AHCTF1: variants seen among roughly 807,000 people sequenced by gnomAD.
AHCTF1 encodes protein ELYS.
A neutral mutation model predicts 248.4 loss-of-function variants in AHCTF1; 24 were observed. The ratio of observed to expected loss-of-function variants is 0.10; its 90% confidence interval spans 0.07 to 0.14. The LOEUF (loss-of-function observed/expected upper bound fraction) is 0.14. AHCTF1 is among the 10% of genes least tolerant of loss of function. AHCTF1 has a pLI of 1.00. For synonymous variants in AHCTF1, 786 were observed against 929.8 expected (o/e 0.85, Z 2.81); for missense variants, 2,206 against 2,636.2 (o/e 0.84, Z 3.57).
intron 8 of AHCTF1, among the ~76,000 whole-genome samples, chr1:246,902,058 ATGTTAAGCAATT>A (rs1356764622): frequency 6.6e-5 from 10 of 152,178 alleles, no homozygotes; most frequent in Non-Finnish European, 1.5e-4. Context: ...GAGCTCTGAA[ATGTTAAGCAATT>A]TGTCAAAGGT....
rs1659750557 is a variant in AHCTF1 at position 246,840,101 on chromosome 1, T to TGATAAGGTTGCAAGTGAGCAGTGA, written c.*681_*704dup. 2 of 152,626 alleles carry TGATAAGGTTGCAAGTGAGCAGTGA rather than the reference T, an allele frequency of 1.3e-5. No homozygotes were observed. Among genetic ancestry groups the TGATAAGGTTGCAAGTGAGCAGTGA allele is most frequent in the African/African-American group, 4.8e-5 (2 of 41,456 alleles). The allele number at this position is 152,626 out of a possible 1,614,324, so 9.5% of individuals were successfully genotyped here. On this transcript the variant is annotated 3_prime_UTR_variant, in exon 36 of 36. Transcript: ENST00000648844. ...TTACATTTCCCTTTGTCAAACCCTTTGATAAGGTTGCAAGTGAGCAGTGAA... is the reference window on the plus strand; with the variant it reads ...TTACATTTCCCTTTGTCAAACCCTTTGATAAGGTTGCAAGTGAGCAGTGAGATAAGGTTGCAAGTGAGCAGTGAA...
Position 246,905,397 on chromosome 1 carries a change from C to T in AHCTF1, c.881+144G>A, listed in dbSNP as rs1011422614. 6 of 598,850 alleles carry T rather than the reference C, an allele frequency of 1.0e-5. No individual in the cohort carries two copies. In the African/African-American group the frequency reaches 1.1e-4, roughly 11 times the overall value. The allele number at this position is 598,850 out of a possible 1,614,324, so 37.1% of individuals were successfully genotyped here. A position where few individuals can be genotyped will look rare whatever the true frequency, so the allele number is the denominator to read the frequency against. On this transcript the variant is annotated intron_variant, in intron 6 of 35. Transcript: ENST00000648844. Reference sequence around the variant, plus strand: ...CCTGTAGTCCCAGCTACTCGGGAGGCTGAGCGAGAGAATGGCATGAATCCG... The same window carrying T: ...CCTGTAGTCCCAGCTACTCGGGAGGTTGAGCGAGAGAATGGCATGAATCCG...
intron 35 of AHCTF1, among the ~76,000 whole-genome samples, chr1:246,842,016 G>A (rs1034224848): frequency 7.1e-6 from 1 of 141,374 alleles, no homozygotes; most frequent in Non-Finnish European, 1.5e-5. Context: ...GGCTGGTCTT[G>A]AACTCCTGAC....
Position 246,857,775 on chromosome 1 carries a change from G to C in AHCTF1, c.4172C>G (p.Ala1391Gly). Residue 1391 changes from alanine (A) to glycine (G), a missense_variant, in exon 30 of 36, where the codon GCA (alanine) becomes GGA (glycine). Physicochemically the swap from Ala to Gly is moderately conservative, Grantham distance 60. Around this residue, in one of 6 missense-constraint regions of AHCTF1, gnomAD observed 955 missense variants for 1,055.6 expected, o/e 0.90. Transcript: ENST00000648844. ...ATTCAATTCTGAAAATGCCTCTGCT[G>C]CAACTAAGAGATCCTTTGTTTCTGC... The part of the protein sequence containing the change: ...EDAETKDLLV[A>G]AEAFSELNHL... 6.2e-7 allele frequency: 1 copy of C among 1,613,380 alleles called. No individual in the cohort carries two copies. Among genetic ancestry groups the C allele is most frequent in the Non-Finnish European group, 8.5e-7 (1 of 1,179,496 alleles).
intron 10 of AHCTF1, 90 bp downstream of exon 10, chr1:246,899,975 T>G (rs950884062): frequency 1.5e-6 from 2 of 1,291,662 alleles, no homozygotes; most frequent in Non-Finnish European, 2.2e-6. Context: ...TACAAACAGA[T>G]AACACTAAAT....
intron 1 of AHCTF1, among the ~76,000 whole-genome samples, chr1:246,927,771 G>C (rs74407469): frequency 6.6e-6 from 1 of 152,192 alleles, no homozygotes; most frequent in East Asian, 1.9e-4. Flanking sequence ...TTGGGAGGCC[G>C]AGGCTGGCGG....
intron 24 of AHCTF1, among the ~76,000 whole-genome samples, chr1:246,868,932 C>T (rs1368048115): frequency 2.0e-5 from 3 of 148,658 alleles, no homozygotes; most frequent in Middle Eastern, 3.4e-3. Context: ...GCAAGTTCTG[C>T]CTCCCGGGTT....
rs558662453 is a variant in AHCTF1, at chr1:246,840,890, T to C, written c.6717A>G (p.Thr2239=). 6.2e-7 allele frequency: 1 copy of C among 1,613,816 alleles called. No individual in the cohort carries two copies. Among genetic ancestry groups the C allele is most frequent in the Non-Finnish European group, 8.5e-7 (1 of 1,179,802 alleles). The change falls in exon 36 of 36, where the codon ACA becomes ACG. Residue 2239 remains threonine (T), a synonymous_variant. Transcript: ENST00000648844. ...TTCCAAGACCTGTTCCTGTCACTTCTGTAGTTTTTCTTGGTTTGCTCTTGA... is the reference window on the plus strand; with the variant it reads ...TTCCAAGACCTGTTCCTGTCACTTCCGTAGTTTTTCTTGGTTTGCTCTTGA... ...DGVKSKPRKT[T]EVTGTGLGRN...
intron 21 of AHCTF1, among the ~76,000 whole-genome samples, chr1:246,879,144 GA>G (rs879646802): frequency 2.2e-4 from 33 of 151,556 alleles, no homozygotes; most frequent in Non-Finnish European, 3.1e-4. Context: ...AACAACACAG[GA>G]AAAAAAGCCA....
At chr1:246,916,745 A>G (rs573962642) in intron 2 of AHCTF1, among the ~76,000 whole-genome samples, 7 of 152,350 alleles carry the variant, frequency 4.6e-5, no homozygotes, top group African/African-American at 1.7e-4. Flanking sequence ...ACCTCAATGT[A>G]GAGATAAGGC....
intron 3 of AHCTF1, among the ~76,000 whole-genome samples, chr1:246,913,986 CCTT>C (rs1336794613): frequency 9.2e-5 from 14 of 152,164 alleles, no homozygotes; most frequent in African/African-American, 2.9e-4. Flanking sequence ...AGAGGTCTAA[CCTT>C]CTTTCTATTG....
intron 24 of AHCTF1, among the ~76,000 whole-genome samples, chr1:246,868,970 G>A (rs1413193394): frequency 5.3e-5 from 8 of 150,848 alleles, no homozygotes; most frequent in South Asian, 2.1e-4. Context: ...TCAGCCTGCT[G>A]AGTAGCTGGG....
intron 21 of AHCTF1, among the ~76,000 whole-genome samples, chr1:246,880,743 C>G (rs1201863067): frequency 6.6e-6 from 1 of 152,028 alleles, no homozygotes; most frequent in Admixed American, 6.6e-5. Context: ...CCCAGTTTCC[C>G]CCATAGCAGG....
At chr1:246,925,269 AATC>A (rs1335039351) in intron 1 of AHCTF1, among the ~76,000 whole-genome samples, 1 of 152,200 alleles carries the variant, frequency 6.6e-6, no homozygotes, top group Non-Finnish European at 1.5e-5. Context: ...CTTCAATCAA[AATC>A]ATCTCAATAC....
intron 1 of AHCTF1, among the ~76,000 whole-genome samples, chr1:246,929,132 G>A (rs1345110133): frequency 6.6e-6 from 1 of 152,164 alleles, no homozygotes; most frequent in African/African-American, 2.4e-5. Flanking sequence ...CAGTGGGCTG[G>A]GTGCGGTGGT....
Position 246,861,994 on chromosome 1 carries a change from C to T in AHCTF1, c.3700G>A (p.Val1234Met). 3.1e-6 allele frequency: 5 copies of T among 1,612,276 alleles called. No homozygotes were observed. Among genetic ancestry groups the T allele is most frequent in the Non-Finnish European group, 3.4e-6 (4 of 1,179,480 alleles). ...CATTTTGGGTGGACATCTTCTTCCA[C>T]AAATGAAATTCTAGTTTCTTTAAGT... ...QRLKETRISF[V>M]EEDVHPKWIP... Residue 1234 changes from valine to methionine, a missense_variant, in exon 28 of 36, where the codon GTG (valine) becomes ATG (methionine). By Grantham distance (21) the Val-to-Met change is conservative. Coordinates refer to ENST00000648844, the MANE Select transcript of AHCTF1 (RefSeq NM_001323342.2).
chr1:246,902,579 G>A lies in AHCTF1; in HGVS notation c.1063C>T (p.Gln355Ter). The stretch of plus-strand genomic sequence containing the variant: ...TGAGATCGAAATTTCTCTATACTCT[G>A]GCATCCCAACAATTTGGTATTACTC... Reference protein sequence around the residue: ...QTSNTKLLGCQSIEKFRSHGD... With the variant: ...QTSNTKLLGC Residue 355 changes from glutamine to a stop codon, truncating the protein, a stop_gained, in exon 8 of 36, where the codon CAG (glutamine) becomes TAG (stop). Transcript: ENST00000648844. LOFTEE classifies it high-confidence loss of function. The A allele has an allele frequency of 6.2e-7, 1 of 1,612,076 alleles. No homozygotes were observed. Among genetic ancestry groups the A allele is most frequent in the Non-Finnish European group, 8.5e-7 (1 of 1,179,764 alleles).
chr1:246,878,447 G>A (rs922995967), intron 21 of AHCTF1, among the ~76,000 whole-genome samples: 3 of 133,746 alleles, frequency 2.2e-5, no homozygotes, highest in African/African-American at 2.8e-5. Context: ...AATGAATTAC[G>A]ATGTAGCCCT....
At chr1:246,881,861 AC>A (rs1663451353) in intron 21 of AHCTF1, among the ~76,000 whole-genome samples, 1 of 149,230 alleles carries the variant, frequency 6.7e-6, no homozygotes, top group Non-Finnish European at 1.5e-5. Flanking sequence ...AAAAAAAAAA[AC>A]AAAAAAAAAA....
Sources: allele counts gnomAD v4.1 joint callset (sites outside exome capture counted in the v4.1 genomes callset), GRCh38; gene constraint gnomAD v4.1.1; regional missense constraint gnomAD v4.1.1; transcripts MANE v1.5; gene names NCBI Gene and HGNC (gene_info 2026-07-23, HGNC 2026-07-21).